The following KCNQ1 variants were observed in gnomAD, a reference collection of about 807,000 sequenced individuals.
KCNQ1 encodes potassium voltage-gated channel subfamily KQT member 1.
In KCNQ1, 49 loss-of-function variants were observed where a neutral mutation model predicts 72.4. That is an observed-to-expected ratio of 0.68 (90% CI 0.54 to 0.86). The LOEUF is 0.86. Ranked by LOEUF, KCNQ1 falls within the 40% of genes least tolerant of loss-of-function variation. KCNQ1 has a pLI of 0.00. For missense variants in KCNQ1, 790 were observed against 945.1 expected (o/e 0.84, Z 2.15); for synonymous variants, 450 against 412.6 (o/e 1.09, Z -1.10).
At chr11:2,615,064 T>C (rs1054466911) in intron 10 of KCNQ1, 25 of 398,340 alleles carry the variant, frequency 6.3e-5, no homozygotes, top group Middle Eastern at 6.3e-4. Context: ...TCTTCTTTAA[T>C]TTTTGTCAAC....
At position 2,446,074 on chromosome 11, in the gene KCNQ1, A is replaced by G. The variant is rs1025382629; in HGVS notation, c.386+590A>G. 1.2e-4 allele frequency among the ~76,000 whole-genome samples: 19 copies of G among 152,176 alleles called. No individual in the cohort carries two copies. Among genetic ancestry groups the G allele is most frequent in the Non-Finnish European group, 2.8e-4 (19 of 68,026 alleles). The stretch of plus-strand genomic sequence containing the variant: ...AGCTCATGAAAACCTGGCTTGATGC[A>G]GAGAGCGGAGAGGCACGTTTGCAGC... On this transcript the variant is annotated intron_variant, in intron 1 of 15. Transcript: ENST00000155840. The surrounding 1 kb of genome is among the most constrained non-coding windows in gnomAD (Gnocchi z 8.8).
chr11:2,607,303 G>A (rs533624564), intron 10 of KCNQ1, among the ~76,000 whole-genome samples: 1 of 152,228 alleles, frequency 6.6e-6, no homozygotes, highest in African/African-American at 2.4e-5. Flanking sequence ...GAAGGGTGTT[G>A]AATTTTATCA....
At position 2,588,401 on chromosome 11, in the gene KCNQ1, T is replaced by A. The variant is rs565814440; in HGVS notation, c.1252-312T>A. 9.3e-4 allele frequency among the ~76,000 whole-genome samples: 141 copies of A among 152,252 alleles called. No homozygotes were observed. The highest frequency in any genetic ancestry group is 3.3e-3 in the African/African-American group (137 of 41,544). On this transcript the variant is annotated intron_variant, in intron 9 of 15. Coordinates refer to ENST00000155840, the MANE Select transcript of KCNQ1 (RefSeq NM_000218.3). This position sits in a 1 kb window ranked among gnomAD's most constrained non-coding sequence, Gnocchi z 5.6. ...CAGCCTGTTCCCCCGATATGCATTC[T>A]CCCCTACTGGTCACAGCCCCTGTTA...
rs1473917366 is a variant in KCNQ1 at position 2,733,743 on chromosome 11, T to A, written c.1515-35101T>A. ...GGAGGGCAGAGGCAGTGGAGAGGGG[T>A]CTAGCGGGCAGGAGGGGGACTTCAG... is the stretch of plus-strand genomic sequence containing the variant. On this transcript the variant is annotated intron_variant, in intron 11 of 15. Coordinates refer to ENST00000155840, the MANE Select transcript of KCNQ1 (RefSeq NM_000218.3). Among the ~76,000 whole-genome samples the A allele has an allele frequency of 2.1e-5, 3 of 141,456 alleles. No individual in the cohort carries two copies. The East Asian group carries it at 6.8e-4, about 32-fold the overall frequency. 92.8% of individuals were successfully genotyped at this position (141,456 alleles called of 152,430 possible).
Position 2,549,420 on chromosome 11 carries a change from G to A in KCNQ1, c.478-21208G>A, listed in dbSNP as rs1847946093. ...ACATCTGACCTTTGCCTGCTTTGGG[G>A]GCAGTTTGAGGCCTCAGATTTTCTA... On this transcript the variant is annotated intron_variant, in intron 2 of 15. Coordinates refer to ENST00000155840, the MANE Select transcript of KCNQ1 (RefSeq NM_000218.3). This position sits in a 1 kb window ranked among gnomAD's most constrained non-coding sequence, Gnocchi z 6.2. Among the ~76,000 whole-genome samples the A allele has an allele frequency of 1.3e-5, 2 of 152,286 alleles. No homozygotes were observed. The highest frequency in any genetic ancestry group is 2.1e-4 in the South Asian group (1 of 4,822).
rs569311888 is a variant in KCNQ1, at chr11:2,828,533, G to A, written c.1795-19234G>A. On this transcript the variant is annotated intron_variant, in intron 15 of 15. Transcript: ENST00000155840. The surrounding 1 kb of genome is among the most constrained non-coding windows in gnomAD (Gnocchi z 5.3). ...GGGTAGACACCAAGCCCTGCAGGAA[G>A]AAGAGCCACCAAGAATGAGGCAGTT... Among the ~76,000 whole-genome samples the A allele has an allele frequency of 4.2e-4, 64 of 152,278 alleles. No individual in the cohort carries two copies. Among genetic ancestry groups the A allele is most frequent in the African/African-American group, 1.5e-3 (62 of 41,554 alleles).
intron 11 of KCNQ1, among the ~76,000 whole-genome samples, chr11:2,722,030 C>T (rs926183143): frequency 2.6e-5 from 4 of 152,310 alleles, no homozygotes; most frequent in East Asian, 3.9e-4. Flanking sequence ...CTTTCCTGTC[C>T]TCCATTTGGT....
intron 11 of KCNQ1, among the ~76,000 whole-genome samples, chr11:2,721,948 G>A (rs11600199): frequency 0.01 from 1,550 of 152,310 alleles, 10 homozygotes; most frequent in Non-Finnish European, 0.015. Context: ...CACTGCCTGG[G>A]GATACCCTCA....
intron 2 of KCNQ1, among the ~76,000 whole-genome samples, 180 bp downstream of exon 2, chr11:2,528,198 T>C (rs867501145): frequency 6.6e-6 from 1 of 152,006 alleles, no homozygotes; most frequent in Non-Finnish European, 1.5e-5. Flanking sequence ...TGACTTGGGA[T>C]GTATGTGCCA....
intron 11 of KCNQ1, among the ~76,000 whole-genome samples, chr11:2,721,070 C>T (rs1440578240): frequency 6.6e-6 from 1 of 152,080 alleles, no homozygotes; most frequent in Non-Finnish European, 1.5e-5. Flanking sequence ...TTTCTTAAAG[C>T]TTGTAAAGAG....
At chr11:2,775,399 G>A (rs1018366227) in intron 12 of KCNQ1, among the ~76,000 whole-genome samples, 1 of 152,236 alleles carries the variant, frequency 6.6e-6, no homozygotes, top group Admixed American at 6.5e-5. Flanking sequence ...CCCACAGCAA[G>A]TGCTGCAGGC....
intron 1 of KCNQ1, among the ~76,000 whole-genome samples, chr11:2,467,560 T>C (rs1846369927): frequency 6.6e-6 from 1 of 152,056 alleles, no homozygotes; most frequent in Non-Finnish European, 1.5e-5. Context: ...CATGGGACCA[T>C]TGAGATCACG....
Position 2,698,732 on chromosome 11 carries a change from TC to T in KCNQ1, c.1514+36654del, listed in dbSNP as rs1850719675. 2.5e-6 allele frequency: 1 copy of T among 398,564 alleles called. No individual in the cohort carries two copies. Among genetic ancestry groups the T allele is most frequent in the Non-Finnish European group, 4.4e-6 (1 of 226,110 alleles). The allele number at this position is 398,564 out of a possible 1,614,324, so 24.7% of individuals were successfully genotyped here. A position where few individuals can be genotyped will look rare whatever the true frequency, so the allele number is the denominator to read the frequency against. ...CTGACTCCAGTCGCCAACTCGGACC[TC>T]CCTTGGATCTCAACTCAGAGCCATG... On this transcript the variant is annotated intron_variant, in intron 11 of 15. Transcript: ENST00000155840. The surrounding 1 kb of genome is among the most constrained non-coding windows in gnomAD (Gnocchi z 5.1).
chr11:2,705,074 G>C (rs776015652), intron 11 of KCNQ1, among the ~76,000 whole-genome samples: 3 of 152,182 alleles, frequency 2.0e-5, no homozygotes, highest in Non-Finnish European at 4.4e-5. Flanking sequence ...TGCAGGTCCT[G>C]CTCCCTCAGG....
At chr11:2,729,365 G>A (rs1269238037) in intron 11 of KCNQ1, among the ~76,000 whole-genome samples, 1 of 152,260 alleles carries the variant, frequency 6.6e-6, no homozygotes, top group Non-Finnish European at 1.5e-5. Context: ...TGGATTAAAT[G>A]AAAGAAGATA....
At position 2,613,477 on chromosome 11, in the gene KCNQ1, G is replaced by C. The variant is rs879163066; in HGVS notation, c.1393+24623G>C. The C allele has an allele frequency of 2.5e-6, 1 of 398,398 alleles. No homozygotes were observed. The highest frequency in any genetic ancestry group is 4.4e-5 in the Admixed American group (1 of 22,696). 24.7% of individuals were successfully genotyped at this position (398,398 alleles called of 1,614,324 possible). A position where few individuals can be genotyped will look rare whatever the true frequency, so the allele number is the denominator to read the frequency against. On this transcript the variant is annotated intron_variant, in intron 10 of 15. Coordinates refer to ENST00000155840, the MANE Select transcript of KCNQ1 (RefSeq NM_000218.3). The surrounding 1 kb of genome is among the most constrained non-coding windows in gnomAD (Gnocchi z 4.8). ...AATCAGATGAGCCTTCTTTGTTGCT[G>C]GTCCTCAAGCCTACCGTGCCCCTGA... is the stretch of plus-strand genomic sequence containing the variant.
At chr11:2,660,168 G>A (rs994895450) in intron 10 of KCNQ1, 4 of 397,774 alleles carry the variant, frequency 1.0e-5, no homozygotes, top group Admixed American at 8.8e-5. Context: ...GATATTTTAT[G>A]GTTTTATGTT....
rs190812019 is a variant in KCNQ1, at chr11:2,556,237, A to G, written c.478-14391A>G. On this transcript the variant is annotated intron_variant, in intron 2 of 15. Coordinates refer to ENST00000155840, the MANE Select transcript of KCNQ1 (RefSeq NM_000218.3). The stretch of plus-strand genomic sequence containing the variant: ...ACCAGTTGTATGGGAATAGGGGCCC[A>G]CCCTAACCACCTCATCTTACCTAAT... Among the ~76,000 whole-genome samples, 1,323 of 152,254 alleles carry G rather than the reference A, an allele frequency of 8.7e-3. 26 individuals are homozygous for G. Among genetic ancestry groups the G allele is most frequent in the African/African-American group, 0.029 (1,188 of 41,536 alleles).
rs1850667401 is a variant in KCNQ1 at position 2,695,861 on chromosome 11, G to A, written c.1514+33780G>A. The stretch of plus-strand genomic sequence containing the variant: ...GATTAGCTTGGGCAAATTTTCATCT[G>A]TTTGTTAACCCTCCTGCAAACTGGC... On this transcript the variant is annotated intron_variant, in intron 11 of 15. Coordinates refer to ENST00000155840, the MANE Select transcript of KCNQ1 (RefSeq NM_000218.3). The surrounding 1 kb of genome is among the most constrained non-coding windows in gnomAD (Gnocchi z 5.2). 2.5e-6 allele frequency: 1 copy of A among 398,446 alleles called. No homozygotes were observed. The highest frequency in any genetic ancestry group is 4.4e-6 in the Non-Finnish European group (1 of 226,060). 24.7% of individuals were successfully genotyped at this position (398,446 alleles called of 1,614,324 possible). A position where few individuals can be genotyped will look rare whatever the true frequency, so the allele number is the denominator to read the frequency against.
Sources: gnomAD v4.1 joint callset for allele counts (sites outside exome capture counted in the v4.1 genomes callset) on GRCh38, gnomAD v4.1.1 for gene constraint, Gnocchi (gnomAD v3.1) non-coding constraint, MANE v1.5 for transcripts, NCBI Gene and HGNC (gene_info 2026-07-23, HGNC 2026-07-21) for gene names.